Variants in TMPRSS15 observed in about 807,000 individuals in gnomAD.
The protein encoded by TMPRSS15 is transmembrane serine protease 15.
TMPRSS15 carries 128 observed loss-of-function variants against 125.3 expected under a neutral mutation model. The observed-to-expected ratio is 1.02, with a 90% CI of 0.89 to 1.18. The LOEUF is 1.18. Ranked by LOEUF, TMPRSS15 falls within the 50% of genes most tolerant of loss-of-function variation. The probability of loss-of-function intolerance (pLI) is 0.00; values close to 1 mark genes in which losing one functional copy is unlikely to be tolerated. For missense variants in TMPRSS15, 1,283 were observed against 1,212.7 expected (o/e 1.06, Z -0.86); for synonymous variants, 446 against 423.2 (o/e 1.05, Z -0.66).
intron 16 of TMPRSS15, among the ~76,000 whole-genome samples, chr21:18,325,977 G>A (rs1047503092): frequency 6.6e-6 from 1 of 151,744 alleles, no homozygotes; most frequent in African/African-American, 2.4e-5. Context: ...CCTACACTGT[G>A]GTGCTTTACT....
At chr21:18,425,934 T>C (rs2076201744) in intron 1 of TMPRSS15, among the ~76,000 whole-genome samples, 1 of 152,126 alleles carries the variant, frequency 6.6e-6, no homozygotes, top group African/African-American at 2.4e-5. Flanking sequence ...AACATTAACA[T>C]TGATTTTATG....
chr21:18,379,816 C>T (rs2075875785), intron 4 of TMPRSS15, among the ~76,000 whole-genome samples: 1 of 151,954 alleles, frequency 6.6e-6, no homozygotes, highest in Non-Finnish European at 1.5e-5. Context: ...AGTATTACGA[C>T]CTCTCTACAA....
At chr21:18,441,513 A>C (rs13051021) in intron 1 of TMPRSS15, among the ~76,000 whole-genome samples, 55,675 of 148,692 alleles carry the variant, frequency 0.37, 11,095 homozygotes, top group Middle Eastern at 0.48. Flanking sequence ...AGGCTGAGGC[A>C]GAAGAATCAC....
chr21:18,443,223 T>C (rs2076246765), intron 1 of TMPRSS15, among the ~76,000 whole-genome samples: 1 of 152,086 alleles, frequency 6.6e-6, no homozygotes, highest in African/African-American at 2.4e-5. Flanking sequence ...AGCTCAGGTG[T>C]GCTGCTCTCG....
chr21:18,474,923 T>G (rs531156292), intron 1 of TMPRSS15, among the ~76,000 whole-genome samples: 2 of 152,280 alleles, frequency 1.3e-5, no homozygotes, highest in South Asian at 4.1e-4. Context: ...TCATGACGAA[T>G]TTATCAGCCT....
At chr21:18,411,975 C>G (rs2076167070) in intron 1 of TMPRSS15, among the ~76,000 whole-genome samples, 1 of 152,184 alleles carries the variant, frequency 6.6e-6, no homozygotes, top group Non-Finnish European at 1.5e-5. Context: ...GGGGTTACCA[C>G]ACTTTTTACA....
At chr21:18,431,953 TCTTTTA>T (rs1022360842) in intron 1 of TMPRSS15, among the ~76,000 whole-genome samples, 1 of 152,204 alleles carries the variant, frequency 6.6e-6, no homozygotes, top group African/African-American at 2.4e-5. Context: ...TCAATGACTT[TCTTTTA>T]CTTTTAAGAA....
intron 1 of TMPRSS15, among the ~76,000 whole-genome samples, chr21:18,466,474 G>A (rs994959754): frequency 3.3e-5 from 5 of 151,556 alleles, no homozygotes; most frequent in African/African-American, 1.2e-4. Flanking sequence ...AGACTAAACA[G>A]GCAACCTACA....
intron 10 of TMPRSS15, among the ~76,000 whole-genome samples, chr21:18,351,299 T>C (rs1261797159): frequency 6.6e-6 from 1 of 152,202 alleles, no homozygotes; most frequent in East Asian, 1.9e-4. Context: ...GTCAAAGTTG[T>C]AGATATTTAT....
intron 1 of TMPRSS15, among the ~76,000 whole-genome samples, chr21:18,463,276 A>AAAAAC (rs1978588523): frequency 7.0e-6 from 1 of 141,950 alleles, no homozygotes; most frequent in Non-Finnish European, 1.5e-5. Flanking sequence ...AAAAAAAAAA[A>AAAAAC]AGCCGGGGGT....
chr21:18,329,426 CA>C, intron 14 of TMPRSS15, 132 bp from the exon 15 acceptor site: 1 of 847,542 alleles, frequency 1.2e-6, no homozygotes, highest in Non-Finnish European at 1.7e-6. Context: ...ATCAGTGTTT[CA>C]AGGTGTTTCT....
At chr21:18,329,051 A>C (rs1231842751) in intron 15 of TMPRSS15, 118 bp downstream of exon 15, 9 of 1,133,508 alleles carry the variant, frequency 7.9e-6, no homozygotes, top group African/African-American at 1.5e-5. Context: ...TCACTTTACT[A>C]TTGTATTTTC....
chr21:18,368,011 G>T (rs1294957127), intron 6 of TMPRSS15, among the ~76,000 whole-genome samples: 2 of 152,048 alleles, frequency 1.3e-5, no homozygotes, highest in Admixed American at 6.6e-5. Flanking sequence ...ATTTTTTAAA[G>T]ATTTCCATCT....
At chr21:18,360,854 T>C (rs547981711) in intron 7 of TMPRSS15, among the ~76,000 whole-genome samples, 3 of 152,172 alleles carry the variant, frequency 2.0e-5, no homozygotes, top group Non-Finnish European at 2.9e-5. Context: ...ATTTGATCTG[T>C]ACATCACTTT....
intron 1 of TMPRSS15, among the ~76,000 whole-genome samples, chr21:18,467,979 G>A (rs1179547132): frequency 6.6e-6 from 1 of 151,992 alleles, no homozygotes; most frequent in African/African-American, 2.4e-5. Flanking sequence ...GAGAGACAGA[G>A]AGACAGTGGA....
At chr21:18,277,674 G>A (rs558830251) in intron 23 of TMPRSS15, among the ~76,000 whole-genome samples, 5 of 152,138 alleles carry the variant, frequency 3.3e-5, no homozygotes, top group South Asian at 2.1e-4. Context: ...AATAGGTAAC[G>A]ACATTTTAAA....
At position 18,294,333 on chromosome 21, in the gene TMPRSS15, A is replaced by G; in HGVS notation, c.2423T>C (p.Leu808Pro). 3 of 1,614,268 alleles carry G rather than the reference A, an allele frequency of 1.9e-6. No individual in the cohort carries two copies. The highest frequency in any genetic ancestry group is 2.5e-6 in the Non-Finnish European group (3 of 1,180,044). Residue 808 changes from leucine to proline, a missense_variant, in exon 21 of 25, where the codon CTG becomes CCG. Physicochemically the swap from Leu to Pro is moderately conservative, Grantham distance 98. Transcript: ENST00000284885. Reference protein sequence around the residue: ...WVVGLYYGGRLLCGASLVSSD... With the variant: ...WVVGLYYGGRPLCGASLVSSD... ...GCTGACGAGAGATGCGCCGCAGAGC[A>G]GTCGGCCGCCATAATACAGACCCAC...
intron 1 of TMPRSS15, among the ~76,000 whole-genome samples, chr21:18,473,459 A>G (rs985009883): frequency 6.6e-6 from 1 of 152,114 alleles, no homozygotes; most frequent in Non-Finnish European, 1.5e-5. Flanking sequence ...ACCTCATAAT[A>G]TATGAATGAA....
intron 15 of TMPRSS15, among the ~76,000 whole-genome samples, chr21:18,327,925 C>T (rs1246457305): frequency 1.3e-5 from 2 of 151,908 alleles, no homozygotes; most frequent in Admixed American, 6.6e-5. Context: ...AGGTGGTGGG[C>T]GCCTGTAATC....
Sources: allele counts gnomAD v4.1 joint callset (sites outside exome capture counted in the v4.1 genomes callset), GRCh38; gene constraint gnomAD v4.1.1; transcripts MANE v1.5; gene names NCBI Gene and HGNC (gene_info 2026-07-23, HGNC 2026-07-21).